The following AMD1 variants were observed in gnomAD, a reference collection of about 807,000 sequenced individuals.
AMD1 encodes the protein S-adenosylmethionine decarboxylase proenzyme.
In AMD1, 11 loss-of-function variants were observed where a neutral mutation model predicts 40.2. That is an observed-to-expected ratio of 0.27 (90% CI 0.17 to 0.45). The LOEUF (loss-of-function observed/expected upper bound fraction) is 0.45, where lower values mean the gene tolerates loss of function less well. Among genes scored for constraint, AMD1 ranks in the 20% least tolerant of loss-of-function variants. The pLI is 1.00. For synonymous variants in AMD1, 121 were observed against 130.8 expected (o/e 0.93, Z 0.51); for missense variants, 257 against 410.2 (o/e 0.63, Z 3.23).
the AMD1 span, among the ~76,000 whole-genome samples, chr6:110,852,414 G>A: frequency 2.6e-5 from 4 of 151,552 alleles, no homozygotes; most frequent in Admixed American, 2.0e-4. Context: ...TAGATACAGG[G>A]TTTCACCTTG....
rs745606227 is a variant in AMD1, at chr6:110,892,722, T to TC, written c.616-13_616-12insC. The TC allele has an allele frequency of 6.6e-6, 10 of 1,509,742 alleles. No homozygotes were observed. The highest frequency in any genetic ancestry group is 4.1e-5 in the Admixed American group (2 of 48,584). The allele number at this position is 1,509,742 out of a possible 1,614,324, so 93.5% of individuals were successfully genotyped here. Reference sequence around the variant, plus strand: ...TCAAACCCTTGTTAAACTCGGTCTTTTTCCCCCCCCAGGAGAGTGGAATTC... The same window carrying TC: ...TCAAACCCTTGTTAAACTCGGTCTTTCTTCCCCCCCCAGGAGAGTGGAATTC... On this transcript the variant is annotated splice_polypyrimidine_tract_variant and intron_variant, in intron 6 of 8. Transcript: ENST00000368885.
chr6:110,816,191 C>T, the AMD1 span, among the ~76,000 whole-genome samples: 11 of 152,318 alleles, frequency 7.2e-5, no homozygotes, highest in Admixed American at 6.5e-4. Context: ...TCAGCTTTCT[C>T]TTAGCATATG....
the AMD1 span, among the ~76,000 whole-genome samples, chr6:110,846,235 A>AAAC: frequency 3.4e-4 from 51 of 152,040 alleles, no homozygotes; most frequent in African/African-American, 1.1e-3. Flanking sequence ...TGACTGTCTC[A>AAAC]AACAACAACA....
chr6:110,875,318 G>A (rs956337716), intron 1 of AMD1, 103 bp downstream of exon 1: 1 of 971,124 alleles, frequency 1.0e-6, no homozygotes, highest in South Asian at 1.4e-5. Flanking sequence ...TTTCAGTTGG[G>A]GGCAAGTCTG....
At chr6:110,882,824 T>TTTGAAGTGAGTTTTCA (rs1259866181) in intron 1 of AMD1, among the ~76,000 whole-genome samples, 1 of 152,192 alleles carries the variant, frequency 6.6e-6, no homozygotes, top group African/African-American at 2.4e-5. Context: ...TGAGTGAGTA[T>TTTGAAGTGAGTTTTCA]AAGAGCATTT....
At chr6:110,863,965 C>A in the AMD1 span, 1 of 394,246 alleles carries the variant, frequency 2.5e-6, no homozygotes, top group South Asian at 2.0e-5. Flanking sequence ...TACCACTAAT[C>A]TTTTTTTTTT....
intron 3 of AMD1, 93 bp downstream of exon 3, chr6:110,889,076 C>A: frequency 2.7e-6 from 4 of 1,462,622 alleles, no homozygotes; most frequent in Non-Finnish European, 3.7e-6. Flanking sequence ...ATACTTACTG[C>A]CTTTGTTACA....
chr6:110,815,248 C>A, the AMD1 span: 2 of 1,183,760 alleles, frequency 1.7e-6, no homozygotes, highest in Non-Finnish European at 2.1e-6. Flanking sequence ...CTCTCGCGCG[C>A]GCGCGCGCGC....
At chr6:110,852,755 G>A in the AMD1 span, among the ~76,000 whole-genome samples, 3 of 152,096 alleles carry the variant, frequency 2.0e-5, no homozygotes, top group East Asian at 3.8e-4. Flanking sequence ...CAATATCAGC[G>A]TAAGAGTCAA....
At chr6:110,829,391 G>A in the AMD1 span, among the ~76,000 whole-genome samples, 6 of 150,570 alleles carry the variant, frequency 4.0e-5, no homozygotes, top group Admixed American at 6.6e-5. Context: ...AAAATTAACC[G>A]GACATCGGCC....
chr6:110,893,297 G>T (rs1786133003), intron 8 of AMD1, among the ~76,000 whole-genome samples, 179 bp from the exon 9 acceptor site: 1 of 152,126 alleles, frequency 6.6e-6, no homozygotes, highest in Non-Finnish European at 1.5e-5. Context: ...TCTTGCTATT[G>T]ACAGGCCTCT....
the AMD1 span, among the ~76,000 whole-genome samples, chr6:110,866,198 C>T: frequency 4.2e-4 from 64 of 152,172 alleles, no homozygotes; most frequent in Middle Eastern, 0.014. Flanking sequence ...ACAGGAAATA[C>T]AGCTTTTGGA....
chr6:110,815,173 C>T, the AMD1 span: 3 of 1,555,596 alleles, frequency 1.9e-6, no homozygotes, highest in East Asian at 2.6e-5. Flanking sequence ...GACGCGGGGG[C>T]CGCCGCCGCT....
intron 7 of AMD1, 30 bp from the exon 8 acceptor site, chr6:110,892,880 A>G: frequency 2.5e-6 from 4 of 1,613,318 alleles, no homozygotes; most frequent in Non-Finnish European, 3.4e-6. Context: ...TAGTCTTTCC[A>G]TTCTTAACAC....
the AMD1 span, among the ~76,000 whole-genome samples, chr6:110,833,110 C>T: frequency 6.6e-6 from 1 of 152,158 alleles, no homozygotes; most frequent in Non-Finnish European, 1.5e-5. Context: ...CGTGAGCCAC[C>T]GTGCCCGGCT....
intron 1 of AMD1, among the ~76,000 whole-genome samples, chr6:110,876,938 G>T (rs1298238172): frequency 6.6e-6 from 1 of 152,156 alleles, no homozygotes; most frequent in Admixed American, 6.5e-5. Flanking sequence ...ATAAAGGGAA[G>T]AAGATTTTGT....
At chr6:110,851,377 C>T in the AMD1 span, among the ~76,000 whole-genome samples, 4 of 152,150 alleles carry the variant, frequency 2.6e-5, no homozygotes, top group South Asian at 2.1e-4. Flanking sequence ...ATTGGGATTA[C>T]AGGTGTGAGC....
In AMD1 at chr6:110,893,816, C is replaced by T. The variant is rs1467177622; in HGVS notation, c.*200C>T. On this transcript the variant is annotated 3_prime_UTR_variant, in exon 9 of 9. Coordinates refer to ENST00000368885, the MANE Select transcript of AMD1 (RefSeq NM_001634.6). Reference sequence around the variant, plus strand: ...GAGTTAGATATCTTGCATGAATGCTCTCTTCTGTGTTTAGGTATTCTCTGC... The same window carrying T: ...GAGTTAGATATCTTGCATGAATGCTTTCTTCTGTGTTTAGGTATTCTCTGC... 16 of 582,368 alleles carry T rather than the reference C, an allele frequency of 2.7e-5. No individual in the cohort carries two copies. In the South Asian group the frequency reaches 3.9e-4, roughly 14 times the overall value. The allele number at this position is 582,368 out of a possible 1,614,324, so 36.1% of individuals were successfully genotyped here. A position where few individuals can be genotyped will look rare whatever the true frequency, so the allele number is the denominator to read the frequency against.
At chr6:110,873,877 C>T (rs1784966820), upstream of AMD1, among the ~76,000 whole-genome samples, 1 of 152,174 alleles carries the variant, frequency 6.6e-6, no homozygotes, top group East Asian at 1.9e-4. Context: ...GTAAGGAGAA[C>T]CTCCATCAAT....
Sources: allele counts gnomAD v4.1 joint callset (sites outside exome capture counted in the v4.1 genomes callset), GRCh38; gene constraint gnomAD v4.1.1; transcripts MANE v1.5; gene names NCBI Gene and HGNC (gene_info 2026-07-23, HGNC 2026-07-21).